The following PDE3B variants were observed in gnomAD, a reference collection of about 807,000 sequenced individuals.
PDE3B encodes cGMP-inhibited 3',5'-cyclic phosphodiesterase 3B.
Under a neutral mutation model 116.8 loss-of-function variants are expected in PDE3B, and 66 were observed. That is an observed-to-expected ratio of 0.56 (90% CI 0.46 to 0.69). The LOEUF (loss-of-function observed/expected upper bound fraction) is 0.69. PDE3B is among the 30% of genes least tolerant of loss of function. The probability of loss-of-function intolerance (pLI) is 0.00; values close to 1 mark genes in which losing one functional copy is unlikely to be tolerated. For synonymous variants in PDE3B, 595 were observed against 533.6 expected (o/e 1.12, Z -1.59); for missense variants, 1,384 against 1,368.1 (o/e 1.01, Z -0.18).
chr11:14,743,409 C>T (rs1405700915), intron 1 of PDE3B, among the ~76,000 whole-genome samples: 2 of 152,202 alleles, frequency 1.3e-5, no homozygotes, highest in African/African-American at 4.8e-5. Flanking sequence ...ACACCCCTTC[C>T]CCCACCAAGT....
At chr11:14,837,440 G>A (rs528368163) in intron 11 of PDE3B, among the ~76,000 whole-genome samples, 140 of 152,276 alleles carry the variant, frequency 9.2e-4, no homozygotes, top group African/African-American at 3.2e-3. Context: ...TCAACTAAAT[G>A]TCTAAGTTAT....
At chr11:14,659,101 G>A (rs553442611) in intron 1 of PDE3B, among the ~76,000 whole-genome samples, 1 of 152,314 alleles carries the variant, frequency 6.6e-6, no homozygotes, top group East Asian at 1.9e-4. Context: ...AGCAGGGGAA[G>A]CTTACTTAGG....
At chr11:14,710,038 A>C (rs1590079028) in intron 1 of PDE3B, among the ~76,000 whole-genome samples, 2 of 152,316 alleles carry the variant, frequency 1.3e-5, no homozygotes, top group East Asian at 3.9e-4. Context: ...TGTAGCATAA[A>C]GTCATAGTCA....
chr11:14,763,676 C>T (rs1489495555), intron 1 of PDE3B, among the ~76,000 whole-genome samples: 1 of 152,034 alleles, frequency 6.6e-6, no homozygotes. Flanking sequence ...GGCTGGAGCA[C>T]AGACAGTTCA....
chr11:14,757,194 G>T (rs1288124062), intron 1 of PDE3B, among the ~76,000 whole-genome samples: 4 of 151,650 alleles, frequency 2.6e-5, no homozygotes, highest in African/African-American at 9.7e-5. Flanking sequence ...TCTTAATCCA[G>T]TCTATCATTG....
intron 12 of PDE3B, among the ~76,000 whole-genome samples, chr11:14,854,328 G>A (rs1847809620): frequency 6.6e-6 from 1 of 151,980 alleles, no homozygotes; most frequent in Non-Finnish European, 1.5e-5. Context: ...TCCTGGAGTG[G>A]GTATTAGTAG....
intron 12 of PDE3B, among the ~76,000 whole-genome samples, chr11:14,855,590 A>G (rs1171836386): frequency 6.6e-6 from 1 of 152,170 alleles, no homozygotes; most frequent in African/African-American, 2.4e-5. Context: ...CTTGCCCCTC[A>G]TCGAACTTAC....
the PDE3B span, among the ~76,000 whole-genome samples, chr11:14,893,676 T>C: frequency 3.9e-5 from 6 of 152,202 alleles, no homozygotes; most frequent in Non-Finnish European, 8.8e-5. Flanking sequence ...CCTTCCAACA[T>C]CGCTGTCTCT....
At chr11:14,712,913 C>A (rs2133830365) in intron 1 of PDE3B, among the ~76,000 whole-genome samples, 1 of 152,324 alleles carries the variant, frequency 6.6e-6, no homozygotes, top group East Asian at 1.9e-4. Context: ...GATGTAATAT[C>A]TTAAATAGTG....
chr11:14,721,467 A>G (rs1856077159), intron 1 of PDE3B, among the ~76,000 whole-genome samples: 1 of 151,582 alleles, frequency 6.6e-6, no homozygotes. Context: ...ATAAAGACAC[A>G]TGCACACGTA....
the PDE3B span, chr11:14,878,056 T>C: frequency 3.9e-6 from 6 of 1,550,836 alleles, no homozygotes; most frequent in Middle Eastern, 8.5e-4. Context: ...CACATTGATT[T>C]GATTAAACCA....
chr11:14,777,011 C>T (rs894034921), intron 2 of PDE3B, among the ~76,000 whole-genome samples: 6 of 151,802 alleles, frequency 4.0e-5, no homozygotes, highest in South Asian at 2.1e-4. Context: ...TACAAAGTAT[C>T]TTGAAACAAA....
chr11:14,656,789 C>A (rs1055224325), intron 1 of PDE3B, among the ~76,000 whole-genome samples: 4 of 152,176 alleles, frequency 2.6e-5, no homozygotes, highest in Non-Finnish European at 5.9e-5. Flanking sequence ...AGTTGAAATT[C>A]TCATCCTTGA....
intron 1 of PDE3B, among the ~76,000 whole-genome samples, chr11:14,759,080 G>A (rs1479475429): frequency 6.6e-6 from 1 of 152,006 alleles, no homozygotes; most frequent in African/African-American, 2.4e-5. Flanking sequence ...TTATTGATTT[G>A]CGTATATTGA....
intron 1 of PDE3B, among the ~76,000 whole-genome samples, chr11:14,714,010 C>G (rs1019357632): frequency 2.0e-5 from 3 of 152,032 alleles, no homozygotes; most frequent in African/African-American, 7.3e-5. Flanking sequence ...TTACCACAAC[C>G]TGGCTAGTAC....
intron 14 of PDE3B, 65 bp downstream of exon 14, chr11:14,861,431 G>A: frequency 7.1e-7 from 1 of 1,416,242 alleles, no homozygotes; most frequent in Non-Finnish European, 9.9e-7. Flanking sequence ...TACTCTTTGG[G>A]TTTTGGATAG....
intron 3 of PDE3B, among the ~76,000 whole-genome samples, chr11:14,788,028 A>G (rs1010906383): frequency 3.3e-5 from 5 of 151,998 alleles, no homozygotes; most frequent in African/African-American, 1.2e-4. Context: ...TAAATGCCTC[A>G]TTTCCTGAGC....
intron 10 of PDE3B, among the ~76,000 whole-genome samples, chr11:14,833,090 T>A (rs1011021457): frequency 6.6e-6 from 1 of 151,998 alleles, no homozygotes; most frequent in Non-Finnish European, 1.5e-5. Context: ...TAGCTGGGAT[T>A]ACAGGTGCCC....
At chr11:14,725,303 T>TTC (rs1290090354) in intron 1 of PDE3B, among the ~76,000 whole-genome samples, 30 of 118,406 alleles carry the variant, frequency 2.5e-4, no homozygotes, top group African/African-American at 8.0e-4. Context: ...CTTTCTTTCT[T>TTC]TCTTTCTCTT....
Sources: allele counts gnomAD v4.1 joint callset (sites outside exome capture counted in the v4.1 genomes callset), GRCh38; gene constraint gnomAD v4.1.1; transcripts MANE v1.5; gene names NCBI Gene and HGNC (gene_info 2026-07-23, HGNC 2026-07-21).